PDZRN3: variants seen among roughly 807,000 people sequenced by gnomAD.
The protein encoded by PDZRN3 is PDZ domain containing ring finger 3.
In PDZRN3, 38 loss-of-function variants were observed where a neutral mutation model predicts 85.7. The observed-to-expected ratio is 0.44, with a 90% CI of 0.34 to 0.58. The LOEUF is 0.58. Among genes scored for constraint, PDZRN3 ranks in the 20% least tolerant of loss-of-function variants. The pLI is 0.01. For synonymous variants in PDZRN3, 759 were observed against 638.0 expected (o/e 1.19, Z -2.86); for missense variants, 1,629 against 1,506.4 (o/e 1.08, Z -1.35).
chr3:73,534,968 T>C (rs375150590), intron 3 of PDZRN3, among the ~76,000 whole-genome samples: 9 of 152,260 alleles, frequency 5.9e-5, no homozygotes, highest in South Asian at 4.2e-4. Context: ...GGGGAGATGA[T>C]ACTTCCCTGC....
At chr3:73,494,644 AG>A (rs1397080081) in intron 3 of PDZRN3, among the ~76,000 whole-genome samples, 4 of 152,208 alleles carry the variant, frequency 2.6e-5, no homozygotes, top group Admixed American at 2.6e-4. Flanking sequence ...AATATTTAAG[AG>A]CTGTTGGTTC....
At chr3:73,473,220 C>G (rs200091217) in intron 3 of PDZRN3, among the ~76,000 whole-genome samples, 18 of 152,300 alleles carry the variant, frequency 1.2e-4, no homozygotes, top group East Asian at 9.6e-4. Flanking sequence ...TTATAGTTCT[C>G]TGACCAAAAA....
chr3:73,412,212 A>C (rs1040008131), intron 3 of PDZRN3, among the ~76,000 whole-genome samples: 4 of 152,218 alleles, frequency 2.6e-5, no homozygotes, highest in Non-Finnish European at 5.9e-5. Flanking sequence ...AGGTTTTTGC[A>C]AGCGTCATGC....
intron 3 of PDZRN3, among the ~76,000 whole-genome samples, chr3:73,406,344 T>C (rs1018690269): frequency 1.1e-4 from 16 of 152,106 alleles, no homozygotes; most frequent in African/African-American, 3.9e-4. Context: ...GGGCTTGGCA[T>C]GGGAAGGAAT....
intron 3 of PDZRN3, among the ~76,000 whole-genome samples, chr3:73,579,237 C>T (rs768732506): frequency 2.0e-5 from 3 of 152,124 alleles, no homozygotes; most frequent in Non-Finnish European, 4.4e-5. Context: ...ATGCAGACAG[C>T]CTTTACTAAA....
Position 73,544,074 on chromosome 3 carries a change from G to A in PDZRN3, c.918+58280C>T, listed in dbSNP as rs753893597. On this transcript the variant is annotated intron_variant, in intron 3 of 9. Transcript: ENST00000263666. ...CTAAAAATACAAAAATCAGCTGGGC[G>A]TGGTGGTGGGCACCTGTAATCCCAG... 8.5e-5 allele frequency among the ~76,000 whole-genome samples: 13 copies of A among 152,308 alleles called. No individual in the cohort carries two copies. In the South Asian group the frequency reaches 1.4e-3, roughly 17 times the overall value.
intron 5 of PDZRN3, among the ~76,000 whole-genome samples, chr3:73,392,973 T>A (rs1423889483): frequency 6.6e-6 from 1 of 152,148 alleles, no homozygotes; most frequent in Non-Finnish European, 1.5e-5. Context: ...CATCATCCTC[T>A]TATGTTTCAA....
At chr3:73,569,318 G>C in intron 3 of PDZRN3, 1 of 1,226,266 alleles carries the variant, frequency 8.2e-7, no homozygotes, top group South Asian at 1.5e-5. Context: ...AACAGCCTCA[G>C]GTGAACCAGG....
intron 3 of PDZRN3, among the ~76,000 whole-genome samples, chr3:73,594,732 G>A (rs1398434866): frequency 6.6e-6 from 1 of 152,116 alleles, no homozygotes; most frequent in Non-Finnish European, 1.5e-5. Context: ...TTCTGTTGCT[G>A]TAGTAAAGAC....
chr3:73,429,010 C>T (rs1702376450), intron 3 of PDZRN3, among the ~76,000 whole-genome samples: 1 of 152,126 alleles, frequency 6.6e-6, no homozygotes, highest in South Asian at 2.1e-4. Flanking sequence ...GTGATCCTCT[C>T]ACCTCAGCCT....
intron 3 of PDZRN3, among the ~76,000 whole-genome samples, chr3:73,446,992 T>G (rs1389082180): frequency 6.7e-6 from 1 of 150,370 alleles, no homozygotes; most frequent in East Asian, 1.9e-4. Flanking sequence ...TCCTGACTAA[T>G]TCGGATGGAC....
intron 3 of PDZRN3, among the ~76,000 whole-genome samples, chr3:73,462,532 G>A (rs1207410648): frequency 9.0e-6 from 1 of 111,190 alleles, no homozygotes; most frequent in East Asian, 3.0e-4. Context: ...CAACAGGTGA[G>A]ACTCCGTCTC....
chr3:73,485,482 C>T (rs188717931), intron 3 of PDZRN3, among the ~76,000 whole-genome samples: 168 of 152,168 alleles, frequency 1.1e-3, no homozygotes, highest in Non-Finnish European at 2.2e-3. Flanking sequence ...TCAGATTCTT[C>T]GTGGTTGAAG....
Position 73,383,344 on chromosome 3 carries a change from T to G in PDZRN3, c.*21A>C. The G allele has an allele frequency of 2.5e-6, 4 of 1,576,696 alleles. No individual in the cohort carries two copies. Among genetic ancestry groups the G allele is most frequent in the Non-Finnish European group, 3.4e-6 (4 of 1,161,978 alleles). On this transcript the variant is annotated 3_prime_UTR_variant, in exon 10 of 10. Coordinates refer to ENST00000263666, the MANE Select transcript of PDZRN3 (RefSeq NM_015009.3). ...CCCAGTGGTAGTGGTCTCCTTTATG[T>G]ACATAATGCAGAAGTGAAAATTATA...
At chr3:73,542,239 T>C (rs1347441988) in intron 3 of PDZRN3, among the ~76,000 whole-genome samples, 2 of 152,224 alleles carry the variant, frequency 1.3e-5, no homozygotes, top group Non-Finnish European at 2.9e-5. Context: ...AGAAATATTT[T>C]ACAGGTCTCT....
chr3:73,624,501 G>A lies in PDZRN3; in HGVS notation c.325C>T (p.Pro109Ser), dbSNP rs751139358. The part of the protein sequence containing the change: ...PEHLERCDFA[P>S]ARCRHAGCGQ... ...CAACCCGCGTGGCGACAGCGCGCGG[G>A]CGCGAAGTCGCAGCGCTCGAGGTGC... Residue 109 changes from proline to serine, a missense_variant, in exon 1 of 10, where the codon CCC (proline) becomes TCC (serine). Coordinates refer to ENST00000263666, the MANE Select transcript of PDZRN3 (RefSeq NM_015009.3). 1.4e-6 allele frequency: 2 copies of A among 1,430,074 alleles called. No individual in the cohort carries two copies. Among genetic ancestry groups the A allele is most frequent in the Non-Finnish European group, 9.1e-7 (1 of 1,099,110 alleles). The allele number at this position is 1,430,074 out of a possible 1,614,324, so 88.6% of individuals were successfully genotyped here.
chr3:73,504,734 C>T (rs116644936), intron 3 of PDZRN3, among the ~76,000 whole-genome samples: 1 of 152,322 alleles, frequency 6.6e-6, no homozygotes, highest in African/African-American at 2.4e-5. Flanking sequence ...TTCCCATCTC[C>T]AAAGTATACC....
At chr3:73,460,750 C>G (rs1436106416) in intron 3 of PDZRN3, among the ~76,000 whole-genome samples, 1 of 152,084 alleles carries the variant, frequency 6.6e-6, no homozygotes, top group African/African-American at 2.4e-5. Context: ...GAATTTAACA[C>G]AGCCTTTTCT....
intron 3 of PDZRN3, among the ~76,000 whole-genome samples, chr3:73,592,588 C>G (rs935204105): frequency 6.6e-6 from 1 of 152,110 alleles, no homozygotes; most frequent in East Asian, 1.9e-4. Flanking sequence ...ACGTGGTCAT[C>G]AAAATAGATT....
Sources: allele counts gnomAD v4.1 joint callset (sites outside exome capture counted in the v4.1 genomes callset), GRCh38; gene constraint gnomAD v4.1.1; transcripts MANE v1.5; gene names NCBI Gene and HGNC (gene_info 2026-07-23, HGNC 2026-07-21).